The following PCDHA12 variants were observed in gnomAD, a reference collection of about 807,000 sequenced individuals.
PCDHA12 encodes protocadherin alpha-12.
Under a neutral mutation model 60.0 loss-of-function variants are expected in PCDHA12, and 44 were observed. The observed-to-expected ratio is 0.73, with a 90% CI of 0.58 to 0.94. The LOEUF (loss-of-function observed/expected upper bound fraction) is 0.94, where lower values mean the gene tolerates loss of function less well. PCDHA12 is among the 40% of genes least tolerant of loss of function. The probability of loss-of-function intolerance (pLI) is 0.00; values close to 1 mark genes in which losing one functional copy is unlikely to be tolerated. For missense variants in PCDHA12, 1,276 were observed against 1,239.7 expected, an observed-to-expected ratio of 1.03 and a Z score of -0.44; for synonymous variants, 569 against 553.0, an observed-to-expected ratio of 1.03 and a Z score of -0.40.
intron 1 of PCDHA12, chr5:140,883,657 C>T: frequency 1.2e-6 from 2 of 1,613,594 alleles, no homozygotes; most frequent in Non-Finnish European, 1.7e-6. Context: ...ACACGGTGTT[C>T]GTGAAGGAAA....
intron 1 of PCDHA12, chr5:140,928,265 A>T (rs1208273188): frequency 4.3e-6 from 7 of 1,614,188 alleles, no homozygotes; most frequent in Non-Finnish European, 4.2e-6. Flanking sequence ...GCTGAAAACA[A>T]TGGCCCTGGG....
intron 3 of PCDHA12, among the ~76,000 whole-genome samples, chr5:140,983,987 C>T (rs1372272659): frequency 6.6e-6 from 1 of 152,126 alleles, no homozygotes; most frequent in East Asian, 1.9e-4. Context: ...CGAGTTGAAG[C>T]AATTCATTAG....
intron 1 of PCDHA12, chr5:140,884,290 A>G: frequency 6.2e-7 from 1 of 1,613,642 alleles, no homozygotes; most frequent in Non-Finnish European, 8.5e-7. Flanking sequence ...AGAGCGGCCA[A>G]GCGCCACAGG....
chr5:140,938,293 C>T (rs896897734), intron 1 of PCDHA12, among the ~76,000 whole-genome samples: 2 of 152,110 alleles, frequency 1.3e-5, no homozygotes, highest in African/African-American at 4.8e-5. Flanking sequence ...CTGTCATTGC[C>T]TATGAAATTC....
intron 1 of PCDHA12, among the ~76,000 whole-genome samples, chr5:140,962,388 C>T (rs782676502): frequency 5.9e-5 from 9 of 152,254 alleles, no homozygotes; most frequent in South Asian, 4.1e-4. Flanking sequence ...GTTAATATTA[C>T]GCAATCTGCC....
At chr5:140,968,365 T>C (rs1554230638) in intron 1 of PCDHA12, 1 of 1,614,112 alleles carries the variant, frequency 6.2e-7, no homozygotes, top group Non-Finnish European at 8.5e-7. Context: ...GCCTTTATGC[T>C]GTCAACTCCT....
At chr5:140,972,691 G>A (rs1213069719) in intron 1 of PCDHA12, among the ~76,000 whole-genome samples, 3 of 137,348 alleles carry the variant, frequency 2.2e-5, no homozygotes, top group Admixed American at 1.5e-4. Flanking sequence ...TTGAGATGGA[G>A]TCTCACTCTG....
intron 1 of PCDHA12, among the ~76,000 whole-genome samples, chr5:140,957,165 A>C (rs2095338056): frequency 6.6e-6 from 1 of 152,190 alleles, no homozygotes; most frequent in African/African-American, 2.4e-5. Context: ...AAATCTAAGT[A>C]TATAAATTGG....
intron 1 of PCDHA12, chr5:140,969,215 C>T: frequency 6.2e-7 from 1 of 1,614,128 alleles, no homozygotes; most frequent in East Asian, 2.2e-5. Flanking sequence ...CCAGACAGGA[C>T]CAGGGCCTTC....
chr5:140,967,276 G>C, intron 1 of PCDHA12: 2 of 1,613,398 alleles, frequency 1.2e-6, no homozygotes. Context: ...TTCACATAGA[G>C]AGTGCGCAGG....
At chr5:140,940,390 T>C (rs2092601477) in intron 1 of PCDHA12, among the ~76,000 whole-genome samples, 1 of 152,194 alleles carries the variant, frequency 6.6e-6, no homozygotes. Flanking sequence ...ATTTTGGTTA[T>C]TGTGTTTTTC....
chr5:140,895,647 C>T (rs954657912), intron 1 of PCDHA12, among the ~76,000 whole-genome samples: 1 of 151,996 alleles, frequency 6.6e-6, no homozygotes, highest in African/African-American at 2.4e-5. Context: ...TTTTTAGCTC[C>T]CACTTATAAG....
In PCDHA12 at chr5:140,967,952, C is replaced by T. The variant is rs562783714; in HGVS notation, c.2368-10997C>T. ...CAGTGTCAATGACCAAGACTCAGGC[C>T]CCAACCGGAAAGTGAGCCTGGGTCT... is the stretch of plus-strand genomic sequence containing the variant. On this transcript the variant is annotated intron_variant, in intron 1 of 3. Coordinates refer to ENST00000398631, the MANE Select transcript of PCDHA12 (RefSeq NM_018903.4). The T allele has an allele frequency of 3.1e-6, 5 of 1,614,176 alleles. No individual in the cohort carries two copies. In the African/African-American group the frequency reaches 6.7e-5, roughly 22 times the overall value.
At chr5:140,944,124 G>T (rs922088265) in intron 1 of PCDHA12, among the ~76,000 whole-genome samples, 10 of 152,200 alleles carry the variant, frequency 6.6e-5, no homozygotes, top group Admixed American at 6.5e-4. Context: ...TACCAGAGAA[G>T]AAAAGGTTGA....
intron 1 of PCDHA12, chr5:140,968,323 C>T (rs1554230616): frequency 1.2e-6 from 2 of 1,614,114 alleles, no homozygotes; most frequent in East Asian, 2.2e-5. Flanking sequence ...TGCCAGTCAC[C>T]TCCTATGTCT....
chr5:140,901,177 G>T (rs2068485979), intron 1 of PCDHA12, among the ~76,000 whole-genome samples: 1 of 152,034 alleles, frequency 6.6e-6, no homozygotes, highest in African/African-American at 2.4e-5. Flanking sequence ...TCACTTTGTT[G>T]ATTGTTTGCT....
At chr5:140,968,641 C>T (rs782760741) in intron 1 of PCDHA12, 12 of 1,614,006 alleles carry the variant, frequency 7.4e-6, no homozygotes, top group East Asian at 4.5e-5. Context: ...ACCATCTAGC[C>T]CAGACTTCTG....
chr5:140,919,795 A>G (rs1554199259), intron 1 of PCDHA12, among the ~76,000 whole-genome samples: 1 of 152,070 alleles, frequency 6.6e-6, no homozygotes, highest in East Asian at 1.9e-4. Context: ...CTTGTGGTGG[A>G]TTGAATTGTG....
chr5:140,929,080 A>T, intron 1 of PCDHA12: 1 of 1,614,180 alleles, frequency 6.2e-7, no homozygotes, highest in Non-Finnish European at 8.5e-7. Flanking sequence ...GTATGGAAGT[A>T]AGATGGTTTC....
Sources: gnomAD v4.1 joint callset for allele counts (sites outside exome capture counted in the v4.1 genomes callset) on GRCh38, gnomAD v4.1.1 for gene constraint, MANE v1.5 for transcripts, NCBI Gene and HGNC (gene_info 2026-07-23, HGNC 2026-07-21) for gene names.